RASEF: variants seen among roughly 807,000 people sequenced by gnomAD.
RASEF encodes the protein ras and EF-hand domain-containing protein.
RASEF carries 68 observed loss-of-function variants against 90.1 expected under a neutral mutation model. That is an observed-to-expected ratio of 0.75 (90% CI 0.62 to 0.92). The LOEUF (loss-of-function observed/expected upper bound fraction) is 0.92, where lower values mean the gene tolerates loss of function less well. Among genes scored for constraint, RASEF ranks in the 40% least tolerant of loss-of-function variants. The probability of loss-of-function intolerance (pLI) is 0.00; values close to 1 mark genes in which losing one functional copy is unlikely to be tolerated. For missense variants in RASEF, 949 were observed against 937.2 expected, an observed-to-expected ratio of 1.01 and a Z score of -0.16; for synonymous variants, 331 against 345.2, an observed-to-expected ratio of 0.96 and a Z score of 0.46.
chr9:83,118,552 T>A, the RASEF span, among the ~76,000 whole-genome samples: 1 of 152,188 alleles, frequency 6.6e-6, no homozygotes, highest in African/African-American at 2.4e-5. Flanking sequence ...AATTATTTTA[T>A]CAGGTTTTAG....
At chr9:83,046,558 A>G (rs1468463872) in intron 1 of RASEF, among the ~76,000 whole-genome samples, 1 of 152,216 alleles carries the variant, frequency 6.6e-6, no homozygotes, top group Admixed American at 6.5e-5. Context: ...GGAGGAAAAG[A>G]AAAAGTATTT....
the RASEF span, among the ~76,000 whole-genome samples, chr9:83,179,905 C>CA: frequency 6.6e-6 from 1 of 152,028 alleles, no homozygotes; most frequent in Non-Finnish European, 1.5e-5. Context: ...TACAACGAGA[C>CA]AAAAAGTGTA....
chr9:83,155,907 T>C, the RASEF span, among the ~76,000 whole-genome samples: 1 of 152,140 alleles, frequency 6.6e-6, no homozygotes, highest in Non-Finnish European at 1.5e-5. Context: ...AGCAGTTTGG[T>C]GCAATAAAAA....
the RASEF span, among the ~76,000 whole-genome samples, chr9:83,129,325 T>C: frequency 6.6e-6 from 1 of 150,738 alleles, no homozygotes; most frequent in South Asian, 2.1e-4. Flanking sequence ...GAGAATGGCA[T>C]GAGCCCGGGA....
At chr9:83,035,373 G>A (rs919948320) in intron 1 of RASEF, among the ~76,000 whole-genome samples, 4 of 152,244 alleles carry the variant, frequency 2.6e-5, no homozygotes, top group South Asian at 4.2e-4. Context: ...GTGCTGACCC[G>A]TTACCATCTA....
the RASEF span, among the ~76,000 whole-genome samples, chr9:83,092,013 T>TC: frequency 7.4e-6 from 1 of 134,824 alleles, no homozygotes; most frequent in Non-Finnish European, 1.5e-5. Flanking sequence ...CTTTTTTTTT[T>TC]TTTTTTTTTT....
chr9:83,153,718 T>C, the RASEF span, among the ~76,000 whole-genome samples: 3 of 152,224 alleles, frequency 2.0e-5, no homozygotes, highest in Admixed American at 6.5e-5. Context: ...GGATGTTCTT[T>C]TCTAGTCCTC....
chr9:83,093,073 C>T, the RASEF span, among the ~76,000 whole-genome samples: 2 of 151,674 alleles, frequency 1.3e-5, no homozygotes, highest in Admixed American at 6.6e-5. Flanking sequence ...TACAGAGTGT[C>T]GATTGGTGCG....
chr9:83,084,219 A>G, the RASEF span, among the ~76,000 whole-genome samples: 1 of 152,296 alleles, frequency 6.6e-6, no homozygotes, highest in South Asian at 2.1e-4. Context: ...TTTTACTACA[A>G]TAAGTTTAAA....
At chr9:82,993,144 T>A in intron 14 of RASEF, 119 bp from the exon 15 acceptor site, 1 of 939,564 alleles carries the variant, frequency 1.1e-6, no homozygotes, top group South Asian at 1.8e-5. Context: ...CCAAATCCTA[T>A]ATAGAGGATA....
intron 1 of RASEF, among the ~76,000 whole-genome samples, chr9:83,046,054 A>G (rs553993601): frequency 7.1e-4 from 108 of 151,264 alleles, no homozygotes; most frequent in Non-Finnish European, 1.4e-3. Flanking sequence ...GCAAAATCCT[A>G]TATTTTCATG....
chr9:83,009,330 A>G (rs1829196931), intron 6 of RASEF, among the ~76,000 whole-genome samples: 1 of 152,164 alleles, frequency 6.6e-6, no homozygotes, highest in Non-Finnish European at 1.5e-5. Context: ...TATGGCCAGG[A>G]TTCCTGACTT....
chr9:83,163,080 C>A, the RASEF span, among the ~76,000 whole-genome samples: 2 of 152,168 alleles, frequency 1.3e-5, no homozygotes, highest in African/African-American at 4.8e-5. Context: ...TTTACCAGAG[C>A]CTAAGTGACC....
In RASEF at chr9:83,053,673, C is replaced by T. The variant is rs1283471763; in HGVS notation, c.431+8764G>A. Among the ~76,000 whole-genome samples, 114 of 144,206 alleles carry T rather than the reference C, an allele frequency of 7.9e-4. 1 individual carries two copies. Among genetic ancestry groups the T allele is most frequent in the Non-Finnish European group, 8.8e-4 (59 of 67,162 alleles). 94.6% of individuals were successfully genotyped at this position (144,206 alleles called of 152,430 possible). A position where few individuals can be genotyped will look rare whatever the true frequency, so the allele number is the denominator to read the frequency against. The stretch of plus-strand genomic sequence containing the variant: ...TTTACATTTTGGCATGATTTTGCAG[C>T]GGCTGGTACCGGTTGATCCTTTCCA... On this transcript the variant is annotated intron_variant, in intron 1 of 16. Transcript: ENST00000376447.
chr9:83,160,422 G>T, the RASEF span, among the ~76,000 whole-genome samples: 1 of 152,146 alleles, frequency 6.6e-6, no homozygotes, highest in Non-Finnish European at 1.5e-5. Flanking sequence ...TTTTGCCCCT[G>T]CCCTAGAGAT....
the RASEF span, among the ~76,000 whole-genome samples, chr9:83,193,312 C>T: frequency 6.6e-6 from 1 of 152,202 alleles, no homozygotes; most frequent in Non-Finnish European, 1.5e-5. Flanking sequence ...AGAGTGGGTT[C>T]ACATCTTTGT....
chr9:83,016,763 T>C (rs2118532603), intron 3 of RASEF, among the ~76,000 whole-genome samples: 1 of 151,690 alleles, frequency 6.6e-6, no homozygotes, highest in Middle Eastern at 3.4e-3. Context: ...TGCTAGAGAG[T>C]AAGGTAGGGC....
intron 1 of RASEF, chr9:83,055,392 C>A: frequency 2.0e-6 from 1 of 505,352 alleles, no homozygotes; most frequent in Admixed American, 3.2e-5. Flanking sequence ...AATGCCTCGC[C>A]CTGCTTCGGC....
At chr9:83,102,635 G>A in the RASEF span, among the ~76,000 whole-genome samples, 25 of 152,274 alleles carry the variant, frequency 1.6e-4, no homozygotes, top group South Asian at 2.1e-4. Flanking sequence ...CAGAGGGAAC[G>A]AGGGAAAAAC....
Sources: gnomAD v4.1 joint callset for allele counts (sites outside exome capture counted in the v4.1 genomes callset) on GRCh38, gnomAD v4.1.1 for gene constraint, MANE v1.5 for transcripts, NCBI Gene and HGNC (gene_info 2026-07-23, HGNC 2026-07-21) for gene names.